The following ATOSA variants were observed in gnomAD, a reference collection of about 807,000 sequenced individuals.
The protein encoded by ATOSA is atos homolog protein A.
the ATOSA span, among the ~76,000 whole-genome samples, chr15:52,691,876 GA>G: frequency 6.6e-6 from 1 of 151,078 alleles, no homozygotes; most frequent in Non-Finnish European, 1.5e-5. Flanking sequence ...AAAAGAAATT[GA>G]AAAACGAGTC....
chr15:52,663,120 G>A, the ATOSA span, among the ~76,000 whole-genome samples: 30 of 152,184 alleles, frequency 2.0e-4, no homozygotes, highest in East Asian at 1.9e-3. Flanking sequence ...TCTGCCGACC[G>A]TTAAACAATG....
At chr15:52,600,422 T>C in the ATOSA span, among the ~76,000 whole-genome samples, 2 of 152,108 alleles carry the variant, frequency 1.3e-5, no homozygotes, top group Admixed American at 1.3e-4. Context: ...AGACTACAGG[T>C]GTGAGTCACC....
the ATOSA span, chr15:52,678,044 G>C: frequency 5.6e-6 from 9 of 1,613,874 alleles, no homozygotes; most frequent in Admixed American, 1.3e-4. Flanking sequence ...TTTTCGCCCA[G>C]AGTGCTGTGA....
the ATOSA span, chr15:52,582,053 G>T: frequency 2.1e-6 from 2 of 946,802 alleles, no homozygotes; most frequent in Admixed American, 4.0e-5. Flanking sequence ...TAACAGGAGA[G>T]AATCCACTCT....
chr15:52,636,178 A>C, the ATOSA span, among the ~76,000 whole-genome samples: 2 of 148,654 alleles, frequency 1.3e-5, no homozygotes, highest in East Asian at 3.9e-4. Context: ...TAAATAAATA[A>C]AATAAAAATA....
At chr15:52,708,099 A>G in the ATOSA span, among the ~76,000 whole-genome samples, 3 of 152,148 alleles carry the variant, frequency 2.0e-5, no homozygotes, top group African/African-American at 7.2e-5. Flanking sequence ...TTAAATTAGA[A>G]CTGTAGTAAA....
chr15:52,659,265 A>AT, the ATOSA span, among the ~76,000 whole-genome samples: 23 of 152,352 alleles, frequency 1.5e-4, no homozygotes, highest in South Asian at 4.8e-3. Flanking sequence ...TGCCAGGCAC[A>AT]TTGAAAGTGC....
chr15:52,600,932 C>T, the ATOSA span, among the ~76,000 whole-genome samples: 1 of 152,058 alleles, frequency 6.6e-6, no homozygotes, highest in African/African-American at 2.4e-5. Flanking sequence ...TTCTTCCACA[C>T]TCATCCTTAA....
chr15:52,695,178 G>T, the ATOSA span, among the ~76,000 whole-genome samples: 1 of 152,088 alleles, frequency 6.6e-6, no homozygotes, highest in Non-Finnish European at 1.5e-5. Context: ...GCCTACCTTG[G>T]TCTCCTAAAG....
At chr15:52,598,241 C>A in the ATOSA span, among the ~76,000 whole-genome samples, 4 of 152,142 alleles carry the variant, frequency 2.6e-5, no homozygotes, top group Non-Finnish European at 5.9e-5. Context: ...AAAAATCTAA[C>A]AACATTTTAA....
At chr15:52,702,376 G>T in the ATOSA span, among the ~76,000 whole-genome samples, 1 of 152,116 alleles carries the variant, frequency 6.6e-6, no homozygotes, top group Non-Finnish European at 1.5e-5. Flanking sequence ...CAACAAGTGA[G>T]CTGGATAAAG....
chr15:52,613,724 CTG>C, the ATOSA span: 2 of 1,613,920 alleles, frequency 1.2e-6, no homozygotes, highest in Non-Finnish European at 1.7e-6. Context: ...GGTAACAAGA[CTG>C]TGCTGGAGGG....
chr15:52,631,359 T>C, the ATOSA span, among the ~76,000 whole-genome samples: 4 of 152,312 alleles, frequency 2.6e-5, no homozygotes, highest in Admixed American at 1.3e-4. Context: ...TATTAACCTC[T>C]TTTGTTCTAG....
At chr15:52,699,663 T>C in the ATOSA span, among the ~76,000 whole-genome samples, 10 of 152,108 alleles carry the variant, frequency 6.6e-5, no homozygotes, top group African/African-American at 2.2e-4. Context: ...TCTGTGGTGG[T>C]AAACAGGGCC....
chr15:52,617,797 A>T, the ATOSA span, among the ~76,000 whole-genome samples: 95 of 135,560 alleles, frequency 7.0e-4, no homozygotes, highest in African/African-American at 2.5e-3. Context: ...AATAATTTAT[A>T]TAATTTATTA....
chr15:52,602,574 T>C, the ATOSA span, among the ~76,000 whole-genome samples: 4 of 152,282 alleles, frequency 2.6e-5, no homozygotes, highest in South Asian at 4.1e-4. Flanking sequence ...TGGGTTCCAA[T>C]TTAGTTTTTA....
chr15:52,638,078 T>C, the ATOSA span, among the ~76,000 whole-genome samples: 1 of 152,212 alleles, frequency 6.6e-6, no homozygotes, highest in African/African-American at 2.4e-5. Flanking sequence ...CCACTAAGTA[T>C]ATTAGGTATA....
the ATOSA span, chr15:52,593,716 A>G: frequency 1.3e-6 from 2 of 1,554,664 alleles, no homozygotes; most frequent in Admixed American, 3.9e-5. Flanking sequence ...GAGGATCGAA[A>G]CGATAGTTCA....
chr15:52,593,479 G>T, the ATOSA span: 1 of 1,174,462 alleles, frequency 8.5e-7, no homozygotes, highest in Non-Finnish European at 1.2e-6. Context: ...TCAGCTGTTA[G>T]GAAATGATTT....
Sources: allele counts gnomAD v4.1 joint callset (sites outside exome capture counted in the v4.1 genomes callset), GRCh38; gene constraint gnomAD v4.1.1; transcripts MANE v1.5; gene names NCBI Gene and HGNC (gene_info 2026-07-23, HGNC 2026-07-21).